Variants in GCN1 observed in about 807,000 individuals in gnomAD.
The protein encoded by GCN1 is stalled ribosome sensor GCN1.
Under a neutral mutation model 288.4 loss-of-function variants are expected in GCN1, and 90 were observed. The observed-to-expected ratio is 0.31, with a 90% CI of 0.26 to 0.37. The LOEUF is 0.37. Ranked by LOEUF, GCN1 falls within the 10% of genes least tolerant of loss-of-function variation. The pLI, the probability that GCN1 is intolerant of heterozygous loss-of-function variation, is 1.00. For synonymous variants in GCN1, 1,386 were observed against 1,420.2 expected, an observed-to-expected ratio of 0.98 and a Z score of 0.54; for missense variants, 2,586 against 3,419.9, an observed-to-expected ratio of 0.76 and a Z score of 6.08.
intron 20 of GCN1, 124 bp from the exon 21 acceptor site, chr12:120,162,182 C>A: frequency 1.3e-6 from 1 of 765,416 alleles, no homozygotes; most frequent in Non-Finnish European, 2.1e-6. Flanking sequence ...TACTCCTGGG[C>A]AATGCCCATC....
chr12:120,137,369 G>T lies in GCN1; in HGVS notation c.6664-50C>A. Reference sequence around the variant, plus strand: ...GAGGATGTACAGCCCTCTCAAGACTGCTTCCAAAGAATATATGGGGAAAGC... The same window carrying T: ...GAGGATGTACAGCCCTCTCAAGACTTCTTCCAAAGAATATATGGGGAAAGC... On this transcript the variant is annotated intron_variant, in intron 49 of 57. Coordinates refer to ENST00000300648, the MANE Select transcript of GCN1 (RefSeq NM_006836.2). The surrounding 1 kb of genome is among the most constrained non-coding windows in gnomAD (Gnocchi z 5.2). 1 of 1,509,984 alleles carries T rather than the reference G, an allele frequency of 6.6e-7. No individual in the cohort carries two copies. Among genetic ancestry groups the T allele is most frequent in the Non-Finnish European group, 9.2e-7 (1 of 1,086,726 alleles). 93.5% of individuals were successfully genotyped at this position (1,509,984 alleles called of 1,614,324 possible). A position where few individuals can be genotyped will look rare whatever the true frequency, so the allele number is the denominator to read the frequency against.
chr12:120,175,828 C>T lies in GCN1; in HGVS notation c.960G>A (p.Leu320=), dbSNP rs757510554. 1.2e-6 allele frequency: 2 copies of T among 1,613,318 alleles called. No homozygotes were observed. Among genetic ancestry groups the T allele is most frequent in the Non-Finnish European group, 1.7e-6 (2 of 1,179,744 alleles). Residue 320 remains leucine (L), a synonymous_variant, in exon 11 of 58, where the codon CTG becomes CTA. Transcript: ENST00000300648. ...ACTGGCGTGCCAGGTTCCGCAGTGC[C>T]AGCACAGCTTCATCCATCAGGCGGG... The part of the protein sequence containing the change: ...NSPRLMDEAV[L]ALRNLARQCS...
At chr12:120,169,418 ATATAT>A (rs753794090) in intron 15 of GCN1, among the ~76,000 whole-genome samples, 7 of 148,828 alleles carry the variant, frequency 4.7e-5, no homozygotes, top group South Asian at 4.2e-4. Flanking sequence ...TATATATATT[ATATAT>A]TATAAGTAAT....
chr12:120,177,617 A>T, intron 8 of GCN1, 62 bp from the exon 9 acceptor site: 1 of 1,544,232 alleles, frequency 6.5e-7, no homozygotes. Context: ...AGCAAAAAAG[A>T]GTTCAGCATC....
chr12:120,148,491 T>G, intron 36 of GCN1, 145 bp from the exon 37 acceptor site: 1 of 656,120 alleles, frequency 1.5e-6, no homozygotes, highest in South Asian at 2.1e-5. Context: ...GAGAGGGGGC[T>G]GGCTCTAGCA....
At chr12:120,149,817 CTGGGGTT>C in intron 35 of GCN1, 97 bp from the exon 36 acceptor site, 1 of 1,537,134 alleles carries the variant, frequency 6.5e-7, no homozygotes, top group Non-Finnish European at 9.0e-7. Flanking sequence ...CCAACGCTTA[CTGGGGTT>C]CTATTATGTC....
rs1367488585 is a variant in GCN1 at position 120,137,732 on chromosome 12, G to T, written c.6476C>A (p.Ala2159Asp). The T allele has an allele frequency of 6.2e-7, 1 of 1,614,062 alleles. No individual in the cohort carries two copies. Among genetic ancestry groups the T allele is most frequent in the Admixed American group, 1.7e-5 (1 of 60,012 alleles). ...HRIIIEDLLE[A>D]TRSPEVGMRQ... ...CATGCCCACCTCAGGGCTGCGGGTGGCCTCCAGCAGATCCTCGATGATGAT... is the reference window on the plus strand; with the variant it reads ...CATGCCCACCTCAGGGCTGCGGGTGTCCTCCAGCAGATCCTCGATGATGAT... Residue 2159 changes from alanine (A) to aspartate (D), a missense_variant, in exon 49 of 58, where the codon GCC (alanine) becomes GAC (aspartate). Physicochemically the swap from Ala to Asp is moderately radical, Grantham distance 126. Around this residue, in one of 8 missense-constraint regions of GCN1, gnomAD observed 437 missense variants for 570.5 expected, o/e 0.77. Coordinates refer to ENST00000300648, the MANE Select transcript of GCN1 (RefSeq NM_006836.2). This position sits in a 1 kb window ranked among gnomAD's most constrained non-coding sequence, Gnocchi z 5.2.
At chr12:120,178,234 A>G (rs1430787898) in intron 7 of GCN1, among the ~76,000 whole-genome samples, 1 of 152,152 alleles carries the variant, frequency 6.6e-6, no homozygotes, top group Non-Finnish European at 1.5e-5. Flanking sequence ...TGTAGCACAT[A>G]CTAGTTATAA....
rs757605764 is a variant in GCN1, at chr12:120,168,293, T to C, written c.1527A>G (p.Lys509=). ...CAATCAACTGCCAGAAACTGCTCAG[T>C]TTGGCCTCTGCAAGAAACAAAAGGT... ...LSVADSQAEA[K]LSSFWQLIVD... The change falls in exon 16 of 58, where the codon AAA becomes AAG. Residue 509 remains lysine, a synonymous_variant. Coordinates refer to ENST00000300648, the MANE Select transcript of GCN1 (RefSeq NM_006836.2). 2 of 1,599,418 alleles carry C rather than the reference T, an allele frequency of 1.3e-6. No individual in the cohort carries two copies. Among genetic ancestry groups the C allele is most frequent in the East Asian group, 2.2e-5 (1 of 44,822 alleles).
chr12:120,140,084 C>A (rs1877141112), intron 45 of GCN1, among the ~76,000 whole-genome samples: 1 of 152,192 alleles, frequency 6.6e-6, no homozygotes, highest in East Asian at 1.9e-4. Context: ...TGATTCCTTG[C>A]CAAATGTAAA....
At chr12:120,173,969 G>A in intron 13 of GCN1, 102 bp downstream of exon 13, 1 of 1,013,364 alleles carries the variant, frequency 9.9e-7, no homozygotes, top group Admixed American at 2.0e-5. Context: ...TCTGAGGGAG[G>A]TGTGTCTTTA....
rs764057805 is a variant in GCN1, at chr12:120,144,295, C to T, written c.5495+11G>A. On this transcript the variant is annotated intron_variant, in intron 42 of 57. Transcript: ENST00000300648. The surrounding 1 kb of genome is among the most constrained non-coding windows in gnomAD (Gnocchi z 4.7). Reference sequence around the variant, plus strand: ...ATCATCCCCACTGGGTCTTTCTGCCCAAGTTCTCACCTGATTCTCCAAAGG... The same window carrying T: ...ATCATCCCCACTGGGTCTTTCTGCCTAAGTTCTCACCTGATTCTCCAAAGG... 1.9e-6 allele frequency: 3 copies of T among 1,614,176 alleles called. No homozygotes were observed. Among genetic ancestry groups the T allele is most frequent in the Non-Finnish European group, 1.7e-6 (2 of 1,180,006 alleles).
intron 37 of GCN1, among the ~76,000 whole-genome samples, chr12:120,147,805 G>C (rs1041619625): frequency 2.0e-5 from 3 of 152,136 alleles, no homozygotes; most frequent in African/African-American, 4.8e-5. Flanking sequence ...CAGTACTTGA[G>C]AAAGAACCAC....
Position 120,166,628 on chromosome 12 carries a change from C to T in GCN1, c.1612+1580G>A, listed in dbSNP as rs551410268. Among the ~76,000 whole-genome samples, 12 of 150,040 alleles carry T rather than the reference C, an allele frequency of 8.0e-5. No homozygotes were observed. In the South Asian group the frequency reaches 2.3e-3, roughly 29 times the overall value. ...CTGAGGCAGGAGAATGGCGTGAACCCGGGAGGCGGAGCTTGCAGTGAGCTG... is the reference window on the plus strand; with the variant it reads ...CTGAGGCAGGAGAATGGCGTGAACCTGGGAGGCGGAGCTTGCAGTGAGCTG... On this transcript the variant is annotated intron_variant, in intron 16 of 57. Coordinates refer to ENST00000300648, the MANE Select transcript of GCN1 (RefSeq NM_006836.2).
intron 18 of GCN1, among the ~76,000 whole-genome samples, chr12:120,163,966 T>G (rs1349173469): frequency 6.6e-6 from 1 of 151,602 alleles, no homozygotes; most frequent in East Asian, 1.9e-4. Context: ...CTACAAAAAA[T>G]CAAAAATCAA....
intron 1 of GCN1, among the ~76,000 whole-genome samples, chr12:120,193,308 A>ATT (rs937843040): frequency 3.4e-5 from 5 of 147,340 alleles, no homozygotes; most frequent in Non-Finnish European, 6.0e-5. Context: ...GAAGAACTAA[A>ATT]TTTTTTTTTT....
chr12:120,172,521 C>A (rs1166547), intron 14 of GCN1, among the ~76,000 whole-genome samples: 1 of 152,016 alleles, frequency 6.6e-6, no homozygotes, highest in Non-Finnish European at 1.5e-5. Flanking sequence ...GTTTCTTTTT[C>A]TTTTTTGAGA....
chr12:120,149,748 G>C (rs1221376309), intron 35 of GCN1, 28 bp from the exon 36 acceptor site: 9 of 1,586,326 alleles, frequency 5.7e-6, no homozygotes, highest in Admixed American at 1.7e-5. Flanking sequence ...CACATTCAGG[G>C]GCCTCCTCAC....
chr12:120,142,683 C>T lies in GCN1; in HGVS notation c.5653G>A (p.Val1885Met). 6.2e-7 allele frequency: 1 copy of T among 1,614,098 alleles called. No individual in the cohort carries two copies. Among genetic ancestry groups the T allele is most frequent in the Non-Finnish European group, 8.5e-7 (1 of 1,180,038 alleles). ...TALGVERRNR[V>M]LAGLYMGRSD... ...CGGCCCATGTACAGCCCTGCCAACA[C>T]CCGGTTCCGCCGCTCTACCCCCAGG... The change falls in exon 44 of 58, where the codon GTG (valine) becomes ATG (methionine). Residue 1885 changes from valine (V) to methionine (M), a missense_variant. This residue lies in a region of GCN1 where 437 missense variants were observed against 570.5 expected (regional missense o/e 0.77). Transcript: ENST00000300648. This position sits in a 1 kb window ranked among gnomAD's most constrained non-coding sequence, Gnocchi z 4.9.
Sources: gnomAD v4.1 joint callset for allele counts (sites outside exome capture counted in the v4.1 genomes callset) on GRCh38, gnomAD v4.1.1 for gene constraint, gnomAD v4.1.1 regional missense constraint, Gnocchi (gnomAD v3.1) non-coding constraint, MANE v1.5 for transcripts, NCBI Gene and HGNC (gene_info 2026-07-23, HGNC 2026-07-21) for gene names.